Variants in SBK1 observed in about 807,000 individuals in gnomAD.
SBK1 encodes SH3 domain binding kinase 1.
A neutral mutation model predicts 24.4 loss-of-function variants in SBK1; 11 were observed. That is an observed-to-expected ratio of 0.45 (90% confidence interval 0.28 to 0.75). The LOEUF (loss-of-function observed/expected upper bound fraction) is 0.75. Among genes scored for constraint, SBK1 ranks in the 30% least tolerant of loss-of-function variants. The pLI, the probability that SBK1 is intolerant of heterozygous loss-of-function variation, is 0.12. For synonymous variants in SBK1, 308 were observed against 284.4 expected, an observed-to-expected ratio of 1.08 and a Z score of -0.83; for missense variants, 467 against 620.5, an observed-to-expected ratio of 0.75 and a Z score of 2.63.
At chr16:28,264,564 T>C (rs932290302) in intron 1 of SBK1, among the ~76,000 whole-genome samples, 1 of 144,600 alleles carries the variant, frequency 6.9e-6, no homozygotes, top group Admixed American at 7.3e-5. Context: ...AGAGCGAGAC[T>C]CCGTCTCAAA....
At chr16:28,274,545 G>A (rs532500751) in intron 1 of SBK1, among the ~76,000 whole-genome samples, 3 of 152,128 alleles carry the variant, frequency 2.0e-5, no homozygotes, top group African/African-American at 7.2e-5. Flanking sequence ...CCAGCTATTC[G>A]GGAGGCTGAG....
At chr16:28,288,613 C>T (rs2044580750), upstream of SBK1, among the ~76,000 whole-genome samples, 1 of 152,218 alleles carries the variant, frequency 6.6e-6, no homozygotes, top group Non-Finnish European at 1.5e-5. Flanking sequence ...GGTGGGTTAC[C>T]TGGTGATGTG....
At position 28,319,263 on chromosome 16, in the gene SBK1, TG is replaced by T; in HGVS notation, c.429+68del. 8.0e-7 allele frequency: 1 copy of T among 1,244,968 alleles called. No homozygotes were observed. The allele number at this position is 1,244,968 out of a possible 1,614,324, so 77.1% of individuals were successfully genotyped here. ...GGGTCCCAGAGTGTGAGAGTGGGAG[TG>T]GAGTCAGACCATTTAATTAACAAGT... is the stretch of plus-strand genomic sequence containing the variant. On this transcript the variant is annotated intron_variant, in intron 3 of 3. Coordinates refer to ENST00000341901, the MANE Select transcript of SBK1 (RefSeq NM_001024401.3). This position sits in a 1 kb window ranked among gnomAD's most constrained non-coding sequence, Gnocchi z 4.0.
chr16:28,282,261 A>C (rs970127353), intron 1 of SBK1, among the ~76,000 whole-genome samples: 29 of 152,124 alleles, frequency 1.9e-4, no homozygotes, highest in African/African-American at 6.8e-4. Flanking sequence ...ACCGGAGTTG[A>C]GGAGTGCAAG....
intron 1 of SBK1, among the ~76,000 whole-genome samples, chr16:28,307,550 G>A (rs968947374): frequency 6.6e-6 from 1 of 152,004 alleles, no homozygotes; most frequent in African/African-American, 2.4e-5. Flanking sequence ...GACCAGCCTG[G>A]CCAGCATGGT....
At chr16:28,311,945 G>T (rs1596552511) in intron 1 of SBK1, among the ~76,000 whole-genome samples, 1 of 152,278 alleles carries the variant, frequency 6.6e-6, no homozygotes, top group Non-Finnish European at 1.5e-5. Context: ...GGGAGGGCTT[G>T]TAGCCACTGG....
intron 1 of SBK1, among the ~76,000 whole-genome samples, chr16:28,269,125 C>T (rs2044447956): frequency 6.6e-6 from 1 of 151,072 alleles, no homozygotes; most frequent in Non-Finnish European, 1.5e-5. Context: ...CCTCTGCCTC[C>T]TGGGTTCAAG....
At position 28,292,966 on chromosome 16, in the gene SBK1, A is replaced by T. The variant is rs1283464040; in HGVS notation, c.-342A>T. ...GTGCCCCCAGGCCGGGATTGCGAGAACCCCCTCCCAAGATCCGGTCATTAC... is the reference window on the plus strand; with the variant it reads ...GTGCCCCCAGGCCGGGATTGCGAGATCCCCCTCCCAAGATCCGGTCATTAC... On this transcript the variant is annotated 5_prime_UTR_variant, in exon 1 of 4. Transcript: ENST00000341901. 2 of 978,432 alleles carry T rather than the reference A, an allele frequency of 2.0e-6. No individual in the cohort carries two copies. Among genetic ancestry groups the T allele is most frequent in the Non-Finnish European group, 2.4e-6 (2 of 824,534 alleles). 60.6% of individuals were successfully genotyped at this position (978,432 alleles called of 1,614,324 possible).
At chr16:28,282,905 A>G (rs2141568956) in intron 1 of SBK1, among the ~76,000 whole-genome samples, 1 of 102,206 alleles carries the variant, frequency 9.8e-6, no homozygotes, top group African/African-American at 3.8e-5. Context: ...TTACTCTCGC[A>G]TTTTTATTTA....
chr16:28,316,860 C>G (rs986356712), intron 1 of SBK1, among the ~76,000 whole-genome samples: 11 of 152,128 alleles, frequency 7.2e-5, no homozygotes, highest in African/African-American at 2.7e-4. Context: ...GCCTGGGTGA[C>G]AGAGCAAGAC....
Position 28,320,225 on chromosome 16 carries a change from C to T in SBK1, c.579C>T (p.Ala193=), listed in dbSNP as rs1183583029. 6.9e-6 allele frequency: 11 copies of T among 1,593,958 alleles called. No homozygotes were observed. In the South Asian group the frequency reaches 7.8e-5, roughly 11 times the overall value. The part of the protein sequence containing the change: ...FDRECRRVKL[A]DFGMTRRVGC... ...GCGAGTGCCGCCGCGTAAAGCTGGCCGACTTCGGCATGACGCGCCGCGTGG... is the reference window on the plus strand; with the variant it reads ...GCGAGTGCCGCCGCGTAAAGCTGGCTGACTTCGGCATGACGCGCCGCGTGG... The change falls in exon 4 of 4, where the codon GCC becomes GCT. Residue 193 remains alanine, a synonymous_variant. Transcript: ENST00000341901. The surrounding 1 kb of genome is among the most constrained non-coding windows in gnomAD (Gnocchi z 8.5).
rs1385209610 is a variant in SBK1 at position 28,264,705 on chromosome 16, G to A, written c.257+5203G>A. Among the ~76,000 whole-genome samples, 3 of 152,298 alleles carry A rather than the reference G, an allele frequency of 2.0e-5. No individual in the cohort carries two copies. The East Asian group carries it at 5.8e-4, about 29-fold the overall frequency. On this transcript the variant is annotated intron_variant, in intron 1 of 3. Coordinates refer to the SBK1 transcript ENST00000671413. The stretch of plus-strand genomic sequence containing the variant: ...GAAGAGGAGCCTCTCGGCTGACGGT[G>A]GAACTTCAGGGTCATTGGTAAAAAG...
At chr16:28,283,465 G>T (rs768035629) in intron 1 of SBK1, among the ~76,000 whole-genome samples, 1 of 152,062 alleles carries the variant, frequency 6.6e-6, no homozygotes, top group Non-Finnish European at 1.5e-5. Context: ...TCCTGCTTGC[G>T]GCAACTCCAG....
chr16:28,275,103 A>C (rs945258187), intron 1 of SBK1, among the ~76,000 whole-genome samples: 2 of 152,112 alleles, frequency 1.3e-5, no homozygotes, highest in Non-Finnish European at 2.9e-5. Context: ...AGGCAGGAGG[A>C]TCTCTAGAGG....
At chr16:28,308,777 G>GTT (rs1555538296) in intron 1 of SBK1, among the ~76,000 whole-genome samples, 15 of 147,034 alleles carry the variant, frequency 1.0e-4, no homozygotes, top group African/African-American at 3.1e-4. Context: ...GTGTGTGTGT[G>GTT]TGTTTGTTTT....
rs942860519 is a variant in SBK1, at chr16:28,313,301, A to T, written c.-7-4084A>T. 2.2e-4 allele frequency among the ~76,000 whole-genome samples: 33 copies of T among 151,256 alleles called. 1 individual carries two copies. The highest frequency in any genetic ancestry group is 9.7e-5 in the African/African-American group (4 of 41,076). On this transcript the variant is annotated intron_variant, in intron 1 of 3. Transcript: ENST00000341901. ...CAGAGCGAGACCCTGTTTAAAAAAA[A>T]TTTAATTTAATTTAAAAAACGACAG... is the stretch of plus-strand genomic sequence containing the variant.
chr16:28,278,997 G>T (rs370674795), intron 1 of SBK1, among the ~76,000 whole-genome samples: 2 of 152,146 alleles, frequency 1.3e-5, no homozygotes, highest in Admixed American at 1.3e-4. Flanking sequence ...AGGCCAAGGC[G>T]GGTGGATCAC....
intron 1 of SBK1, among the ~76,000 whole-genome samples, chr16:28,307,365 AT>A (rs146439874): frequency 0.018 from 2,786 of 152,316 alleles, 93 homozygotes; most frequent in African/African-American, 0.064. Flanking sequence ...CAGAGCCAAG[AT>A]TCAAATCCAG....
chr16:28,270,037 G>A (rs1161404639), intron 1 of SBK1, among the ~76,000 whole-genome samples: 2 of 152,048 alleles, frequency 1.3e-5, no homozygotes, highest in Non-Finnish European at 2.9e-5. Context: ...TCCTGGAAAC[G>A]AGAAGACAAT....
Sources: gnomAD v4.1 joint callset for allele counts (sites outside exome capture counted in the v4.1 genomes callset) on GRCh38, gnomAD v4.1.1 for gene constraint, Gnocchi (gnomAD v3.1) non-coding constraint, MANE v1.5 for transcripts, NCBI Gene and HGNC (gene_info 2026-07-23, HGNC 2026-07-21) for gene names.